B3GALT1: variants seen among roughly 807,000 people sequenced by gnomAD.
B3GALT1 encodes the protein UDP-Gal:betaGlcNAc beta 1,3-galactosyltransferase, polypeptide 1.
A neutral mutation model predicts 23.2 loss-of-function variants in B3GALT1; 10 were observed. That is an observed-to-expected ratio of 0.43 (90% CI 0.27 to 0.73). The LOEUF (loss-of-function observed/expected upper bound fraction) is 0.73, where lower values mean the gene tolerates loss of function less well. B3GALT1 is among the 30% of genes least tolerant of loss of function. B3GALT1 has a pLI of 0.21. For missense variants in B3GALT1, 299 were observed against 405.4 expected (o/e 0.74, Z 2.25); for synonymous variants, 156 against 141.5 (o/e 1.10, Z -0.73).
chr2:167,761,789 T>G (rs1246446666), intron 3 of B3GALT1, among the ~76,000 whole-genome samples: 2 of 152,218 alleles, frequency 1.3e-5, no homozygotes, highest in East Asian at 1.9e-4. Flanking sequence ...CTCCACAGGA[T>G]AAAAAGACTC....
chr2:167,715,675 G>A (rs1171711107), intron 3 of B3GALT1: 1 of 1,613,348 alleles, frequency 6.2e-7, no homozygotes, highest in Non-Finnish European at 8.5e-7. Flanking sequence ...GCTTTTCACA[G>A]GTTGCCTCCA....
At chr2:167,294,818 C>T (rs185098355) in intron 1 of B3GALT1, among the ~76,000 whole-genome samples, 40 of 152,224 alleles carry the variant, frequency 2.6e-4, no homozygotes, top group Admixed American at 2.6e-3. Flanking sequence ...TATGTAGCTC[C>T]GTAATCTCTT....
intron 1 of B3GALT1, among the ~76,000 whole-genome samples, chr2:167,470,197 TAATATC>T (rs1411649366): frequency 1.3e-5 from 2 of 152,142 alleles, no homozygotes; most frequent in Admixed American, 6.6e-5. Context: ...ATTAATTTAA[TAATATC>T]AAGAAGGTCC....
chr2:167,873,773 G>T lies in B3GALT1; in HGVS notation c.*3753G>T, dbSNP rs1258303133. On this transcript the variant is annotated 3_prime_UTR_variant, in exon 5 of 5. Transcript: ENST00000392690. ...TCGCCAAAAGTAATTGTCTGTAAAA[G>T]TGCACTCTCCAGGTTTGTAGTACTA... 1.3e-5 allele frequency: 2 copies of T among 152,168 alleles called. No homozygotes were observed. The highest frequency in any genetic ancestry group is 2.9e-5 in the Non-Finnish European group (2 of 68,028). 9.4% of individuals were successfully genotyped at this position (152,168 alleles called of 1,614,324 possible).
At chr2:167,867,092 A>AG (rs1690238509) in intron 4 of B3GALT1, among the ~76,000 whole-genome samples, 1 of 152,042 alleles carries the variant, frequency 6.6e-6, no homozygotes. Flanking sequence ...ACGCCTGGCT[A>AG]ATTTTTTGTA....
At chr2:167,838,005 T>G (rs1336411880) in intron 4 of B3GALT1, among the ~76,000 whole-genome samples, 1 of 151,350 alleles carries the variant, frequency 6.6e-6, no homozygotes, top group African/African-American at 2.4e-5. Flanking sequence ...CATACCAGAA[T>G]CTCTGGGACA....
intron 2 of B3GALT1, among the ~76,000 whole-genome samples, chr2:167,594,202 G>A (rs771548350): frequency 1.3e-5 from 2 of 150,114 alleles, no homozygotes; most frequent in African/African-American, 2.5e-5. Context: ...TAGTGTAGAT[G>A]TCAAAGTCAC....
At chr2:167,719,483 A>C (rs999467582) in intron 3 of B3GALT1, among the ~76,000 whole-genome samples, 1 of 152,224 alleles carries the variant, frequency 6.6e-6, no homozygotes, top group Non-Finnish European at 1.5e-5. Flanking sequence ...TAGAAAATAG[A>C]ATTTCATGTC....
intron 2 of B3GALT1, among the ~76,000 whole-genome samples, chr2:167,501,718 C>CAAAAAAAAA (rs35445623): frequency 1.5e-5 from 1 of 65,416 alleles, no homozygotes; most frequent in Non-Finnish European, 3.0e-5. Context: ...TCTACAGTGG[C>CAAAAAAAAA]AAAAAAAAAA....
chr2:167,827,251 G>A (rs1376470230), intron 4 of B3GALT1, among the ~76,000 whole-genome samples: 1 of 152,136 alleles, frequency 6.6e-6, no homozygotes, highest in African/African-American at 2.4e-5. Context: ...AAGAAACAAG[G>A]CTCCAAAGGT....
intron 3 of B3GALT1, among the ~76,000 whole-genome samples, chr2:167,688,970 G>A (rs1221348210): frequency 6.6e-6 from 1 of 152,034 alleles, no homozygotes; most frequent in African/African-American, 2.4e-5. Context: ...ACCTGGAACA[G>A]AACCAACACA....
At chr2:167,525,269 A>C (rs903885689) in intron 2 of B3GALT1, among the ~76,000 whole-genome samples, 35 of 152,076 alleles carry the variant, frequency 2.3e-4, no homozygotes, top group African/African-American at 8.0e-4. Flanking sequence ...GTTTTGCTGT[A>C]GTTTTTTTTG....
At chr2:167,446,769 T>C (rs1699002483) in intron 1 of B3GALT1, among the ~76,000 whole-genome samples, 1 of 152,196 alleles carries the variant, frequency 6.6e-6, no homozygotes, top group Non-Finnish European at 1.5e-5. Flanking sequence ...TTGTCTAATC[T>C]CTTCTCACAG....
chr2:167,532,638 C>T (rs1409718395), intron 2 of B3GALT1, among the ~76,000 whole-genome samples: 1 of 151,900 alleles, frequency 6.6e-6, no homozygotes, highest in African/African-American at 2.4e-5. Context: ...CGTTCATACT[C>T]ACATATATGT....
intron 2 of B3GALT1, among the ~76,000 whole-genome samples, chr2:167,541,788 A>G (rs1422056618): frequency 1.3e-5 from 2 of 152,108 alleles, no homozygotes; most frequent in African/African-American, 4.8e-5. Context: ...TATTTAATTC[A>G]TTATTCCTAA....
intron 1 of B3GALT1, among the ~76,000 whole-genome samples, chr2:167,388,668 C>G (rs1421210817): frequency 6.6e-6 from 1 of 152,116 alleles, no homozygotes; most frequent in Non-Finnish European, 1.5e-5. Flanking sequence ...ATAGAATCAC[C>G]TGGGGAGTTT....
At chr2:167,651,400 G>A (rs1243795683) in intron 3 of B3GALT1, among the ~76,000 whole-genome samples, 2 of 152,010 alleles carry the variant, frequency 1.3e-5, no homozygotes, top group African/African-American at 4.8e-5. Flanking sequence ...ACTGTCTTCT[G>A]ATAACTTAAC....
chr2:167,322,975 T>C (rs1198928522), intron 1 of B3GALT1, among the ~76,000 whole-genome samples: 1 of 152,116 alleles, frequency 6.6e-6, no homozygotes, highest in East Asian at 1.9e-4. Context: ...TTAGAATTTA[T>C]CACTTTTGGC....
At chr2:167,399,720 A>C (rs1382932484) in intron 1 of B3GALT1, among the ~76,000 whole-genome samples, 1 of 152,020 alleles carries the variant, frequency 6.6e-6, no homozygotes, top group Non-Finnish European at 1.5e-5. Context: ...CTACTTGAGT[A>C]TGAATAGTTT....
Sources: gnomAD v4.1 joint callset for allele counts (sites outside exome capture counted in the v4.1 genomes callset) on GRCh38, gnomAD v4.1.1 for gene constraint, MANE v1.5 for transcripts, NCBI Gene and HGNC (gene_info 2026-07-23, HGNC 2026-07-21) for gene names.